Variants in DISC1 observed in about 807,000 individuals in gnomAD.
DISC1 encodes the protein disrupted in schizophrenia 1 protein.
Under a neutral mutation model 84.5 loss-of-function variants are expected in DISC1, and 57 were observed. The observed-to-expected ratio is 0.67, with a 90% CI of 0.55 to 0.84. DISC1 has a LOEUF of 0.84. Among genes scored for constraint, DISC1 ranks in the 40% least tolerant of loss-of-function variants. DISC1 has a pLI of 0.00. For synonymous variants in DISC1, 411 were observed against 415.2 expected, an observed-to-expected ratio of 0.99 and a Z score of 0.12; for missense variants, 1,000 against 1,057.8, an observed-to-expected ratio of 0.95 and a Z score of 0.76.
intron 8 of DISC1, among the ~76,000 whole-genome samples, chr1:231,811,512 C>A (rs2080289870): frequency 6.6e-6 from 1 of 152,240 alleles, no homozygotes; most frequent in Non-Finnish European, 1.5e-5. Context: ...TCATTCTCAG[C>A]ACTGGCTTTA....
chr1:231,869,537 G>A (rs2085303870), intron 9 of DISC1, among the ~76,000 whole-genome samples: 1 of 151,896 alleles, frequency 6.6e-6, no homozygotes, highest in Non-Finnish European at 1.5e-5. Flanking sequence ...GCATGACACT[G>A]GCATCTGCAT....
At chr1:231,781,160 T>TAAAA (rs56779223) in intron 6 of DISC1, among the ~76,000 whole-genome samples, 1 of 117,914 alleles carries the variant, frequency 8.5e-6, no homozygotes, top group African/African-American at 3.2e-5. Context: ...AAAGTATAAT[T>TAAAA]AAAAAAAAAA....
At chr1:231,841,233 A>G (rs376678038) in intron 9 of DISC1, among the ~76,000 whole-genome samples, 8 of 152,234 alleles carry the variant, frequency 5.3e-5, no homozygotes, top group African/African-American at 1.9e-4. Flanking sequence ...CATTTCAGAT[A>G]AGGGATACTC....
chr1:231,941,482 T>C (rs1572211808), intron 9 of DISC1, among the ~76,000 whole-genome samples: 1 of 152,082 alleles, frequency 6.6e-6, no homozygotes, highest in African/African-American at 2.4e-5. Flanking sequence ...TTCAATTTTT[T>C]TTTTTTTTTT....
intron 9 of DISC1, among the ~76,000 whole-genome samples, chr1:231,892,699 A>G (rs1438525497): frequency 6.6e-6 from 1 of 152,158 alleles, no homozygotes; most frequent in Non-Finnish European, 1.5e-5. Flanking sequence ...GTCTGCTGAT[A>G]TGGAGTACAC....
At chr1:231,868,230 T>C (rs2085198394) in intron 9 of DISC1, among the ~76,000 whole-genome samples, 1 of 152,198 alleles carries the variant, frequency 6.6e-6, no homozygotes, top group African/African-American at 2.4e-5. Context: ...TCAGAAGAGA[T>C]TCTGCTTTCC....
chr1:231,638,855 G>A (rs2059398966), intron 1 of DISC1, among the ~76,000 whole-genome samples: 1 of 152,136 alleles, frequency 6.6e-6, no homozygotes, highest in Admixed American at 6.5e-5. Context: ...TCACAGAGCA[G>A]GGAAAGTGTG....
chr1:231,977,968 A>G (rs995235118), intron 10 of DISC1, among the ~76,000 whole-genome samples: 4 of 152,200 alleles, frequency 2.6e-5, no homozygotes, highest in African/African-American at 9.6e-5. Flanking sequence ...TTAATCTGTC[A>G]GTTCCCTTTC....
chr1:231,845,299 C>T (rs2083373797), intron 9 of DISC1, among the ~76,000 whole-genome samples: 1 of 152,190 alleles, frequency 6.6e-6, no homozygotes, highest in Admixed American at 6.5e-5. Context: ...TGAGCCACAT[C>T]CTGGTGCCAG....
chr1:232,020,083 T>C (rs1267321823), intron 11 of DISC1, among the ~76,000 whole-genome samples: 1 of 152,182 alleles, frequency 6.6e-6, no homozygotes, highest in Non-Finnish European at 1.5e-5. Context: ...GGCTCACACC[T>C]GTAATCCCAG....
At chr1:231,654,133 C>T (rs780652543) in intron 1 of DISC1, among the ~76,000 whole-genome samples, 4 of 152,154 alleles carry the variant, frequency 2.6e-5, no homozygotes, top group Admixed American at 1.3e-4. Flanking sequence ...TCAATGGCTA[C>T]GTTTGAAGTG....
Position 231,883,960 on chromosome 1 carries a change from A to G in DISC1, c.1981+65443A>G, listed in dbSNP as rs542595434. Among the ~76,000 whole-genome samples, 32 of 152,206 alleles carry G rather than the reference A, an allele frequency of 2.1e-4. No individual in the cohort carries two copies. The South Asian group carries it at 6.6e-3, about 32-fold the overall frequency. On this transcript the variant is annotated intron_variant, in intron 9 of 12. Coordinates refer to ENST00000439617, the MANE Select transcript of DISC1 (RefSeq NM_018662.3). ...CAACCAAAGATGGCCAGCTAAATAA[A>G]TGACATGCCTGGTGGTCTGACATGA...
chr1:231,971,833 C>T (rs969680820), intron 10 of DISC1, among the ~76,000 whole-genome samples: 1 of 152,178 alleles, frequency 6.6e-6, no homozygotes, highest in Admixed American at 6.5e-5. Flanking sequence ...TCCCATTCAT[C>T]ACAAAAGCAG....
intron 1 of DISC1, among the ~76,000 whole-genome samples, chr1:231,665,894 C>T (rs990467016): frequency 2.0e-5 from 3 of 152,182 alleles, no homozygotes; most frequent in Non-Finnish European, 2.9e-5. Flanking sequence ...CTTCCCACTG[C>T]CACCATCCAG....
At position 231,773,374 on chromosome 1, in the gene DISC1, A is replaced by ATTTG. The variant is rs565622981; in HGVS notation, c.1634+2322_1634+2325dup. Among the ~76,000 whole-genome samples the ATTTG allele has an allele frequency of 6.3e-4, 96 of 151,738 alleles. 1 individual carries two copies. The South Asian group carries it at 0.016, about 25-fold the overall frequency. The stretch of plus-strand genomic sequence containing the variant: ...TAATCTAGTGCTTTGATAGGTTTTT[A>ATTTG]TTTGTTTGTTTGTTTGTTTGTATGT... On this transcript the variant is annotated intron_variant, in intron 6 of 12. Coordinates refer to ENST00000439617, the MANE Select transcript of DISC1 (RefSeq NM_018662.3).
intron 9 of DISC1, among the ~76,000 whole-genome samples, chr1:231,881,144 G>A (rs781506664): frequency 2.6e-5 from 4 of 152,206 alleles, no homozygotes; most frequent in Non-Finnish European, 5.9e-5. Context: ...CTGTGGGCAA[G>A]AGAAGAGAGA....
intron 3 of DISC1, among the ~76,000 whole-genome samples, chr1:231,712,111 C>G (rs2067942122): frequency 6.6e-6 from 1 of 152,116 alleles, no homozygotes; most frequent in Non-Finnish European, 1.5e-5. Context: ...TAGCTCCAAG[C>G]TAAGGAATTC....
At chr1:231,689,446 C>G (rs2064722171) in intron 1 of DISC1, among the ~76,000 whole-genome samples, 1 of 152,028 alleles carries the variant, frequency 6.6e-6, no homozygotes, top group Admixed American at 6.5e-5. Context: ...ATTCTCCTGC[C>G]TCAGCCTCCC....
At chr1:232,026,041 G>A (rs1040358728) in intron 11 of DISC1, among the ~76,000 whole-genome samples, 1 of 152,058 alleles carries the variant, frequency 6.6e-6, no homozygotes, top group Non-Finnish European at 1.5e-5. Flanking sequence ...TATTCCCTTT[G>A]TCCTTACAGG....
Sources: allele counts gnomAD v4.1 joint callset (sites outside exome capture counted in the v4.1 genomes callset), GRCh38; gene constraint gnomAD v4.1.1; transcripts MANE v1.5; gene names NCBI Gene and HGNC (gene_info 2026-07-23, HGNC 2026-07-21).